The following BANF2 variants were observed in gnomAD, a reference collection of about 807,000 sequenced individuals.
BANF2 encodes barrier-to-autointegration factor-like protein.
In BANF2, 4 loss-of-function variants were observed where a neutral mutation model predicts 8.0. That is an observed-to-expected ratio of 0.50 (90% confidence interval 0.25 to 1.14). The LOEUF (loss-of-function observed/expected upper bound fraction) is 1.14. Ranked by LOEUF, BANF2 falls within the 50% of genes most tolerant of loss-of-function variation. The pLI is 0.16. For missense variants in BANF2, 96 were observed against 107.5 expected (o/e 0.89, Z 0.47); for synonymous variants, 50 against 40.6 (o/e 1.23, Z -0.88).
At chr20:17,697,257 G>A (rs1325799433), upstream of BANF2, among the ~76,000 whole-genome samples, 1 of 152,218 alleles carries the variant, frequency 6.6e-6, no homozygotes, top group Non-Finnish European at 1.5e-5. Flanking sequence ...AGGAGGAATT[G>A]TCCAGGGAGA....
chr20:17,723,955 A>G (rs1480126708), intron 2 of BANF2, among the ~76,000 whole-genome samples: 2 of 152,214 alleles, frequency 1.3e-5, no homozygotes, highest in Non-Finnish European at 1.5e-5. Context: ...AGATCATGCC[A>G]TTGCACTCCA....
intron 1 of BANF2, among the ~76,000 whole-genome samples, chr20:17,711,269 C>T (rs565603657): frequency 1.3e-5 from 2 of 152,360 alleles, no homozygotes; most frequent in South Asian, 2.1e-4. Context: ...CGGGGCCCCC[C>T]TCCAGGGCCT....
chr20:17,732,427 C>T (rs149621455), intron 3 of BANF2, among the ~76,000 whole-genome samples: 4,811 of 152,344 alleles, frequency 0.032, 277 homozygotes, highest in African/African-American at 0.11. Flanking sequence ...AGTGCAGTGG[C>T]ATAATCTCAG....
intron 3 of BANF2, among the ~76,000 whole-genome samples, chr20:17,728,905 C>CA (rs2037852441): frequency 6.6e-6 from 1 of 151,840 alleles, no homozygotes; most frequent in African/African-American, 2.4e-5. Flanking sequence ...AGACTTAGCC[C>CA]AAAAAAGGAA....
chr20:17,716,469 G>A (rs538417679), intron 1 of BANF2, among the ~76,000 whole-genome samples: 256 of 152,150 alleles, frequency 1.7e-3, no homozygotes, highest in African/African-American at 5.8e-3. Context: ...AAGTATCTGG[G>A]ACCACAGGTG....
chr20:17,732,243 G>C (rs556505247), intron 3 of BANF2, among the ~76,000 whole-genome samples: 14 of 152,382 alleles, frequency 9.2e-5, no homozygotes, highest in Admixed American at 2.6e-4. Flanking sequence ...AACTGCTGCT[G>C]TTTAGCAAGA....
chr20:17,723,711 G>A (rs2037763337), intron 2 of BANF2, among the ~76,000 whole-genome samples: 1 of 152,166 alleles, frequency 6.6e-6, no homozygotes. Flanking sequence ...TTGGAAGATG[G>A]CGGCCGGGCG....
intron 3 of BANF2, among the ~76,000 whole-genome samples, chr20:17,734,348 C>T (rs1324978735): frequency 6.6e-6 from 1 of 152,154 alleles, no homozygotes; most frequent in South Asian, 2.1e-4. Flanking sequence ...TTCTATGCTC[C>T]TCCTACAGAA....
chr20:17,695,931 C>T (rs962967387), upstream of BANF2, among the ~76,000 whole-genome samples: 1 of 152,180 alleles, frequency 6.6e-6, no homozygotes, highest in Non-Finnish European at 1.5e-5. Flanking sequence ...CATGTGTGTA[C>T]TCTTCTATGT....
intron 1 of BANF2, among the ~76,000 whole-genome samples, chr20:17,704,469 C>G (rs1314874891): frequency 3.3e-5 from 5 of 152,154 alleles, no homozygotes; most frequent in Non-Finnish European, 7.4e-5. Context: ...TTGCAGGGCC[C>G]TCAATTCCAC....
At chr20:17,718,504 GT>G (rs2037686659) in intron 1 of BANF2, among the ~76,000 whole-genome samples, 1 of 152,164 alleles carries the variant, frequency 6.6e-6, no homozygotes, top group Admixed American at 6.5e-5. Context: ...AGAATAACAA[GT>G]TCACTTCCAG....
chr20:17,723,537 G>A (rs1359371577), intron 2 of BANF2, among the ~76,000 whole-genome samples: 1 of 152,196 alleles, frequency 6.6e-6, no homozygotes, highest in Admixed American at 6.5e-5. Context: ...TCCCTATTGT[G>A]TAAACTGATT....
At chr20:17,697,980 G>T (rs559311585), upstream of BANF2, among the ~76,000 whole-genome samples, 1 of 151,934 alleles carries the variant, frequency 6.6e-6, no homozygotes, top group Non-Finnish European at 1.5e-5. Flanking sequence ...CAGGATGGGC[G>T]GATCATCTGA....
At chr20:17,716,111 G>A (rs971193590) in intron 1 of BANF2, among the ~76,000 whole-genome samples, 6 of 152,166 alleles carry the variant, frequency 3.9e-5, no homozygotes, top group Admixed American at 1.3e-4. Flanking sequence ...AGGATACTGT[G>A]GTGAGCGTGG....
At chr20:17,729,628 T>G (rs2037864109) in intron 3 of BANF2, among the ~76,000 whole-genome samples, 2 of 152,130 alleles carry the variant, frequency 1.3e-5, no homozygotes, top group African/African-American at 4.8e-5. Flanking sequence ...CCCAGCTACT[T>G]GGGAGGCTGA....
intron 1 of BANF2, among the ~76,000 whole-genome samples, chr20:17,704,282 G>A (rs1374529633): frequency 2.0e-5 from 3 of 152,224 alleles, no homozygotes; most frequent in African/African-American, 7.2e-5. Flanking sequence ...ATGCACATGG[G>A]CCATCTGGGG....
intron 1 of BANF2, among the ~76,000 whole-genome samples, chr20:17,719,687 T>TAA (rs34906896): frequency 2.1e-5 from 3 of 141,818 alleles, no homozygotes; most frequent in Admixed American, 7.1e-5. Flanking sequence ...TTTTTTTAAT[T>TAA]AAAAAAAAAA....
rs750995801 is a variant in BANF2, at chr20:17,725,002, C to G, written c.-3-21C>G. 2.5e-6 allele frequency: 4 copies of G among 1,600,230 alleles called. No homozygotes were observed. The African/African-American group carries it at 5.4e-5, about 21-fold the overall frequency. ...AAGTCAGGTATCTGCTAATCCTCCT[C>G]TCTCCCCACTGCTGTCGCAGGAGAT... is the stretch of plus-strand genomic sequence containing the variant. On this transcript the variant is annotated intron_variant, in intron 2 of 3. Transcript: ENST00000246090.
chr20:17,715,244 G>C (rs2037633783), intron 1 of BANF2, among the ~76,000 whole-genome samples: 1 of 152,282 alleles, frequency 6.6e-6, no homozygotes, highest in East Asian at 1.9e-4. Flanking sequence ...CCCTGCCTTT[G>C]GGAATGCCTC....
Sources: allele counts gnomAD v4.1 joint callset (sites outside exome capture counted in the v4.1 genomes callset), GRCh38; gene constraint gnomAD v4.1.1; transcripts MANE v1.5; gene names NCBI Gene and HGNC (gene_info 2026-07-23, HGNC 2026-07-21).